The following PDE4B variants were observed in gnomAD, a reference collection of about 807,000 sequenced individuals.
PDE4B encodes the protein 3',5'-cyclic-AMP phosphodiesterase 4B.
In PDE4B, 20 loss-of-function variants were observed where a neutral mutation model predicts 82.2. That is an observed-to-expected ratio of 0.24 (90% CI 0.17 to 0.35). The LOEUF (loss-of-function observed/expected upper bound fraction) is 0.35. PDE4B is among the 10% of genes least tolerant of loss of function. PDE4B has a pLI of 1.00. For synonymous variants in PDE4B, 320 were observed against 318.9 expected (o/e 1.00, Z -0.04); for missense variants, 655 against 907.2 (o/e 0.72, Z 3.57).
chr1:65,982,789 C>A lies in PDE4B; in HGVS notation c.281+63954C>A, dbSNP rs149843090. 7.9e-4 allele frequency among the ~76,000 whole-genome samples: 121 copies of A among 152,302 alleles called. 1 individual carries two copies. The highest frequency in any genetic ancestry group is 2.6e-3 in the African/African-American group (108 of 41,566). On this transcript the variant is annotated intron_variant, in intron 3 of 16. Coordinates refer to ENST00000341517, the MANE Select transcript of PDE4B (RefSeq NM_002600.4). ...GCAGGAAATGGGTTGATTGAACTAT[C>A]TGGCTGGTTGATAATGCAGATAGTT...
At chr1:66,293,833 T>TTTG (rs953618174) in intron 7 of PDE4B, among the ~76,000 whole-genome samples, 14 of 152,248 alleles carry the variant, frequency 9.2e-5, no homozygotes, top group African/African-American at 2.6e-4. Flanking sequence ...GGTATGTGAT[T>TTTG]TTGTTGTTGT....
At chr1:66,208,034 G>A (rs1649701745) in intron 3 of PDE4B, among the ~76,000 whole-genome samples, 1 of 152,094 alleles carries the variant, frequency 6.6e-6, no homozygotes, top group South Asian at 2.1e-4. Flanking sequence ...AATCCTAAGG[G>A]AAACCTCTTA....
chr1:66,198,084 T>C (rs970356949), intron 3 of PDE4B, among the ~76,000 whole-genome samples: 8 of 152,180 alleles, frequency 5.3e-5, no homozygotes, highest in East Asian at 3.8e-4. Flanking sequence ...AGAGATCAAG[T>C]AGGCTGGAGC....
At chr1:66,331,625 A>G in intron 7 of PDE4B, 1 of 353,314 alleles carries the variant, frequency 2.8e-6, no homozygotes, top group Non-Finnish European at 4.0e-6. Context: ...TAGGGCAACA[A>G]ATTGGAGCCC....
chr1:66,257,459 T>C (rs753041036), intron 4 of PDE4B, 188 bp from the exon 5 acceptor site: 3 of 770,492 alleles, frequency 3.9e-6, no homozygotes. Flanking sequence ...AATCTAGTAC[T>C]AATTTTTTCC....
At chr1:66,233,457 C>G (rs1203481968) in intron 3 of PDE4B, among the ~76,000 whole-genome samples, 1 of 151,870 alleles carries the variant, frequency 6.6e-6, no homozygotes, top group Admixed American at 6.6e-5. Context: ...ACTATTATAT[C>G]ATCTATTAAT....
At chr1:66,019,940 A>G (rs1458936361) in intron 3 of PDE4B, among the ~76,000 whole-genome samples, 1 of 152,158 alleles carries the variant, frequency 6.6e-6, no homozygotes, top group African/African-American at 2.4e-5. Context: ...TCAGGCTTGG[A>G]TTCTTCGTTT....
intron 1 of PDE4B, among the ~76,000 whole-genome samples, chr1:65,907,460 G>A (rs1170985522): frequency 6.6e-6 from 1 of 152,108 alleles, no homozygotes; most frequent in Non-Finnish European, 1.5e-5. Context: ...AAGTCCCAGA[G>A]CTAAGTGGAT....
At chr1:65,842,829 C>T (rs1050348533) in intron 1 of PDE4B, among the ~76,000 whole-genome samples, 5 of 152,130 alleles carry the variant, frequency 3.3e-5, no homozygotes, top group Non-Finnish European at 5.9e-5. Flanking sequence ...AATAGAGTTG[C>T]ATGCAGAGCA....
At chr1:65,913,499 G>C (rs188524201) in intron 2 of PDE4B, 143 bp downstream of exon 2, 23 of 716,602 alleles carry the variant, frequency 3.2e-5, no homozygotes, top group Non-Finnish European at 2.5e-6. Context: ...CCAGCACCTG[G>C]ACCTGACGTT....
rs61385791 is a variant in PDE4B, at chr1:66,326,192, C to T, written c.635-6316C>T. Reference sequence around the variant, plus strand: ...GAAATTCTGCTCTTGTTTTTTTAAACTGGGCTTCCCCTAGATGGGACTATC... The same window carrying T: ...GAAATTCTGCTCTTGTTTTTTTAAATTGGGCTTCCCCTAGATGGGACTATC... On this transcript the variant is annotated intron_variant, in intron 7 of 16. Transcript: ENST00000341517. 9.8e-3 allele frequency among the ~76,000 whole-genome samples: 1,493 copies of T among 152,228 alleles called. 27 individuals carry two copies. Among genetic ancestry groups the T allele is most frequent in the African/African-American group, 0.034 (1,431 of 41,512 alleles).
At chr1:65,957,102 C>A (rs1649300551) in intron 3 of PDE4B, among the ~76,000 whole-genome samples, 1 of 151,196 alleles carries the variant, frequency 6.6e-6, no homozygotes, top group Non-Finnish European at 1.5e-5. Context: ...GATTTGCAGG[C>A]ATTTTTACAT....
intron 3 of PDE4B, among the ~76,000 whole-genome samples, chr1:66,091,124 T>A (rs1645014892): frequency 6.6e-6 from 1 of 152,012 alleles, no homozygotes; most frequent in Admixed American, 6.6e-5. Flanking sequence ...TTTTTCTAGT[T>A]TCTTTAGGTG....
At chr1:66,343,660 G>A (rs547734755) in intron 8 of PDE4B, among the ~76,000 whole-genome samples, 3 of 152,300 alleles carry the variant, frequency 2.0e-5, no homozygotes, top group African/African-American at 7.2e-5. Flanking sequence ...TAATTGTAAG[G>A]ATGGAAGTGA....
intron 3 of PDE4B, among the ~76,000 whole-genome samples, chr1:66,226,370 TAAAC>T (rs1282219737): frequency 6.6e-6 from 1 of 152,220 alleles, no homozygotes; most frequent in Admixed American, 6.5e-5. Flanking sequence ...AAGCAACAAA[TAAAC>T]AAACAAGAAC....
intron 3 of PDE4B, among the ~76,000 whole-genome samples, chr1:66,209,013 G>T (rs527768139): frequency 6.6e-6 from 1 of 152,324 alleles, no homozygotes; most frequent in African/African-American, 2.4e-5. Context: ...TACAGCTTCA[G>T]ACTCCTTCAT....
chr1:65,902,600 T>C (rs940695989), intron 1 of PDE4B, among the ~76,000 whole-genome samples: 2 of 152,180 alleles, frequency 1.3e-5, no homozygotes, highest in African/African-American at 4.8e-5. Flanking sequence ...GTATCAGTTG[T>C]GCATTACGAT....
At chr1:66,217,851 C>T (rs1271228975) in intron 3 of PDE4B, among the ~76,000 whole-genome samples, 1 of 152,028 alleles carries the variant, frequency 6.6e-6, no homozygotes, top group Non-Finnish European at 1.5e-5. Context: ...GAGACATGCA[C>T]ATACAAAAAG....
At chr1:66,372,286 C>G (rs2102076590) in intron 16 of PDE4B, 27 bp from the exon 17 acceptor site, 1 of 1,576,556 alleles carries the variant, frequency 6.3e-7, no homozygotes, top group Non-Finnish European at 8.6e-7. Context: ...ATCACAATAA[C>G]AGATGTGTCA....
Sources: allele counts gnomAD v4.1 joint callset (sites outside exome capture counted in the v4.1 genomes callset), GRCh38; gene constraint gnomAD v4.1.1; transcripts MANE v1.5; gene names NCBI Gene and HGNC (gene_info 2026-07-23, HGNC 2026-07-21).